The following KCNK18 variants were observed in gnomAD, a reference collection of about 807,000 sequenced individuals.
The protein encoded by KCNK18 is potassium two pore domain channel subfamily K member 18, also known as potassium channel subfamily K member 18.
KCNK18 carries 8 observed loss-of-function variants against 11.8 expected under a neutral mutation model. The ratio of observed to expected loss-of-function variants is 0.68; its 90% CI spans 0.40 to 1.22. The LOEUF (loss-of-function observed/expected upper bound fraction) is 1.22. KCNK18 is among the 50% of genes most tolerant of loss of function. The pLI, the probability that KCNK18 is intolerant of heterozygous loss-of-function variation, is 0.01. For missense variants in KCNK18, 442 were observed against 465.4 expected (o/e 0.95, Z 0.46); for synonymous variants, 208 against 185.8 (o/e 1.12, Z -0.97).
intron 1 of KCNK18, among the ~76,000 whole-genome samples, chr10:117,199,076 G>T (rs770001749): frequency 6.6e-6 from 1 of 152,206 alleles, no homozygotes; most frequent in Non-Finnish European, 1.5e-5. Flanking sequence ...CTAGCATTTT[G>T]GGAGGCCAAG....
In KCNK18 at chr10:117,199,564, C is replaced by G. The variant is rs184193384; in HGVS notation, c.224-1595C>G. 2.6e-5 allele frequency among the ~76,000 whole-genome samples: 4 copies of G among 152,256 alleles called. No individual in the cohort carries two copies. The East Asian group carries it at 7.7e-4, about 29-fold the overall frequency. On this transcript the variant is annotated intron_variant, in intron 1 of 2. Coordinates refer to ENST00000334549, the MANE Select transcript of KCNK18 (RefSeq NM_181840.1). ...TCTTTTACAGATTAGGAAATTGAGG[C>G]CTTGGGAGGTTAAGCAATTTGTCCA... is the stretch of plus-strand genomic sequence containing the variant.
At chr10:117,208,805 A>G (rs1383513454) in intron 2 of KCNK18, among the ~76,000 whole-genome samples, 2 of 151,630 alleles carry the variant, frequency 1.3e-5, no homozygotes, top group Non-Finnish European at 2.9e-5. Flanking sequence ...CAATGGCACA[A>G]TCTTGGCTCA....
intron 2 of KCNK18, among the ~76,000 whole-genome samples, chr10:117,204,046 T>G (rs1048873984): frequency 2.6e-5 from 4 of 151,884 alleles, no homozygotes; most frequent in African/African-American, 9.7e-5. Context: ...TTTGGGAGGA[T>G]CAGGTGAGAG....
At chr10:117,204,891 A>G (rs907521727) in intron 2 of KCNK18, among the ~76,000 whole-genome samples, 10 of 152,192 alleles carry the variant, frequency 6.6e-5, no homozygotes, top group African/African-American at 2.2e-4. Context: ...GCTGTGAGTC[A>G]CTGATCTAAT....
chr10:117,197,846 G>A (rs1589964617), intron 1 of KCNK18, 135 bp downstream of exon 1: 5 of 733,294 alleles, frequency 6.8e-6, no homozygotes, highest in Admixed American at 2.1e-5. Context: ...GGCACTTTAA[G>A]CGAGTAACTT....
intron 2 of KCNK18, among the ~76,000 whole-genome samples, chr10:117,204,566 G>T (rs574693760): frequency 6.6e-6 from 1 of 152,294 alleles, no homozygotes; most frequent in Admixed American, 6.5e-5. Context: ...GTCAAAATGT[G>T]GTCCCTGAGT....
chr10:117,200,694 C>G (rs1227245502), intron 1 of KCNK18, among the ~76,000 whole-genome samples: 1 of 151,948 alleles, frequency 6.6e-6, no homozygotes, highest in Non-Finnish European at 1.5e-5. Context: ...CCCCTGTAGT[C>G]TCAGCTACGC....
intron 2 of KCNK18, among the ~76,000 whole-genome samples, chr10:117,202,112 G>C (rs1421858169): frequency 1.3e-5 from 2 of 152,210 alleles, no homozygotes; most frequent in African/African-American, 2.4e-5. Context: ...CTCCTCCTTC[G>C]AGAGAGCAAG....
At chr10:117,200,021 A>G (rs1354429645) in intron 1 of KCNK18, among the ~76,000 whole-genome samples, 1 of 152,234 alleles carries the variant, frequency 6.6e-6, no homozygotes, top group Non-Finnish European at 1.5e-5. Context: ...AGACACTCAC[A>G]GGTAGCTGGT....
chr10:117,200,814 G>GA (rs36101740), intron 1 of KCNK18, among the ~76,000 whole-genome samples: 79,498 of 145,312 alleles, frequency 0.55, 23,290 homozygotes, highest in Non-Finnish European at 0.67. Flanking sequence ...CTTGTCTCAA[G>GA]AAAAAAAAAA....
chr10:117,203,177 T>G (rs959064733), intron 2 of KCNK18, among the ~76,000 whole-genome samples: 1 of 151,944 alleles, frequency 6.6e-6, no homozygotes, highest in Non-Finnish European at 1.5e-5. Context: ...GCGCCTGGCC[T>G]TGTTCACCTG....
rs185072258 is a variant in KCNK18, at chr10:117,206,062, A to G, written c.353-3435A>G. Among the ~76,000 whole-genome samples the G allele has an allele frequency of 1.4e-3, 214 of 152,238 alleles. 1 individual carries two copies. The highest frequency in any genetic ancestry group is 5.0e-3 in the African/African-American group (208 of 41,526). On this transcript the variant is annotated intron_variant, in intron 2 of 2. Coordinates refer to ENST00000334549, the MANE Select transcript of KCNK18 (RefSeq NM_181840.1). ...GAGCAAGATCTCATCTTAAAAAAAA[A>G]AGATACAAACCTGATTTTATTAGTT...
At chr10:117,200,275 A>G (rs1291629036) in intron 1 of KCNK18, among the ~76,000 whole-genome samples, 2 of 151,974 alleles carry the variant, frequency 1.3e-5, no homozygotes, top group Non-Finnish European at 2.9e-5. Context: ...ACAGGGTTTC[A>G]CCATGTTGGC....
At chr10:117,204,306 A>G (rs1348046962) in intron 2 of KCNK18, among the ~76,000 whole-genome samples, 2 of 151,486 alleles carry the variant, frequency 1.3e-5, no homozygotes, top group African/African-American at 4.8e-5. Context: ...AAAAAACCTC[A>G]GATGCATCTG....
intron 2 of KCNK18, among the ~76,000 whole-genome samples, chr10:117,207,799 T>C (rs547913343): frequency 3.9e-5 from 6 of 152,346 alleles, no homozygotes; most frequent in African/African-American, 1.4e-4. Flanking sequence ...CTGGAGGAAG[T>C]TGGGGCTTAG....
intron 1 of KCNK18, among the ~76,000 whole-genome samples, chr10:117,198,300 G>C (rs1428170653): frequency 6.6e-6 from 1 of 152,072 alleles, no homozygotes; most frequent in Non-Finnish European, 1.5e-5. Flanking sequence ...GAGGGGTGGG[G>C]GTCCTGGCTG....
intron 2 of KCNK18, among the ~76,000 whole-genome samples, chr10:117,205,351 G>A (rs539351676): frequency 1.2e-4 from 18 of 152,290 alleles, no homozygotes; most frequent in Admixed American, 1.1e-3. Context: ...CCCTTTGTGG[G>A]GGTTGTGTGC....
At chr10:117,201,552 G>T (rs1467009188) in intron 2 of KCNK18, among the ~76,000 whole-genome samples, 3 of 152,318 alleles carry the variant, frequency 2.0e-5, no homozygotes, top group East Asian at 3.9e-4. Context: ...TGCTGTTATT[G>T]TTCCCACTCC....
intron 2 of KCNK18, among the ~76,000 whole-genome samples, chr10:117,201,808 A>G (rs1478661425): frequency 6.6e-6 from 1 of 152,190 alleles, no homozygotes; most frequent in Non-Finnish European, 1.5e-5. Flanking sequence ...ATGCTGCAGG[A>G]GAGTTAGGCC....
Sources: gnomAD v4.1 joint callset for allele counts (sites outside exome capture counted in the v4.1 genomes callset) on GRCh38, gnomAD v4.1.1 for gene constraint, MANE v1.5 for transcripts, NCBI Gene and HGNC (gene_info 2026-07-23, HGNC 2026-07-21) for gene names.